The following DIXDC1 variants were observed in gnomAD, a reference collection of about 807,000 sequenced individuals.
DIXDC1 encodes the protein dixin.
DIXDC1 carries 64 observed loss-of-function variants against 103.1 expected under a neutral mutation model. That is an observed-to-expected ratio of 0.62 (90% CI 0.51 to 0.76). The LOEUF is 0.76. DIXDC1 is among the 30% of genes least tolerant of loss of function. The pLI is 0.00. For synonymous variants in DIXDC1, 266 were observed against 298.5 expected, an observed-to-expected ratio of 0.89 and a Z score of 1.12; for missense variants, 759 against 834.2, an observed-to-expected ratio of 0.91 and a Z score of 1.11.
At chr11:111,940,722 A>G (rs1471333125) in intron 1 of DIXDC1, among the ~76,000 whole-genome samples, 1 of 152,180 alleles carries the variant, frequency 6.6e-6, no homozygotes, top group Non-Finnish European at 1.5e-5. Flanking sequence ...TCCTGCTTCC[A>G]AGGAGTTTAT....
upstream of DIXDC1, among the ~76,000 whole-genome samples, chr11:111,935,956 A>C (rs57483872): frequency 0.013 from 1,964 of 152,218 alleles, 43 homozygotes; most frequent in African/African-American, 0.045. Context: ...TAGCAGCTTT[A>C]GACATTCAGA....
At position 112,010,160 on chromosome 11, in the gene DIXDC1, A is replaced by G. The variant is rs192131844; in HGVS notation, c.1757-6531A>G. 1.3e-4 allele frequency among the ~76,000 whole-genome samples: 20 copies of G among 152,332 alleles called. No homozygotes were observed. In the East Asian group the frequency reaches 2.7e-3, roughly 21 times the overall value. The stretch of plus-strand genomic sequence containing the variant: ...AAATCACAAGCATTCCTGTACACCA[A>G]TAACAGACAAACAGCCAAATCATGA... On this transcript the variant is annotated intron_variant, in intron 17 of 19. Transcript: ENST00000440460.
chr11:111,993,295 A>C (rs1254603724), intron 12 of DIXDC1, among the ~76,000 whole-genome samples: 2 of 152,180 alleles, frequency 1.3e-5, no homozygotes, highest in African/African-American at 4.8e-5. Context: ...TACAAATGCC[A>C]GTTCCCTTCT....
At chr11:112,014,597 C>T (rs587662180) in intron 17 of DIXDC1, among the ~76,000 whole-genome samples, 1 of 152,276 alleles carries the variant, frequency 6.6e-6, no homozygotes, top group South Asian at 2.1e-4. Flanking sequence ...TCCAATACAG[C>T]TTGTAGAAAT....
At chr11:111,978,524 T>G (rs1306343362) in intron 5 of DIXDC1, among the ~76,000 whole-genome samples, 1 of 152,108 alleles carries the variant, frequency 6.6e-6, no homozygotes, top group African/African-American at 2.4e-5. Context: ...GAAATGTTGT[T>G]TTCCTTTGGC....
intron 1 of DIXDC1, among the ~76,000 whole-genome samples, chr11:111,954,573 T>C (rs1451327033): frequency 6.6e-6 from 1 of 152,242 alleles, no homozygotes; most frequent in Non-Finnish European, 1.5e-5. Flanking sequence ...TATGCCATTT[T>C]ATATCAGACA....
In DIXDC1 at chr11:111,937,573, T is replaced by C; in HGVS notation, c.60+14T>C. The stretch of plus-strand genomic sequence containing the variant: ...GGCTTCAATGAGGTAACTGTCCTGC[T>C]CCTCCCACTCCTCAGCTCCCCTCCC... On this transcript the variant is annotated intron_variant, in intron 1 of 19. Coordinates refer to ENST00000440460, the MANE Select transcript of DIXDC1 (RefSeq NM_001037954.4). 2 of 1,575,998 alleles carry C rather than the reference T, an allele frequency of 1.3e-6. No individual in the cohort carries two copies. Among genetic ancestry groups the C allele is most frequent in the Non-Finnish European group, 1.7e-6 (2 of 1,160,544 alleles).
chr11:112,007,236 G>A (rs1861264973), intron 17 of DIXDC1, among the ~76,000 whole-genome samples: 1 of 152,192 alleles, frequency 6.6e-6, no homozygotes, highest in African/African-American at 2.4e-5. Context: ...ATGAAATAAA[G>A]TGAGAAGAGA....
chr11:111,955,163 C>T lies in DIXDC1; in HGVS notation c.61-9386C>T, dbSNP rs587674059. Among the ~76,000 whole-genome samples the T allele has an allele frequency of 1.1e-4, 17 of 151,904 alleles. No individual in the cohort carries two copies. The South Asian group carries it at 3.5e-3, about 32-fold the overall frequency. On this transcript the variant is annotated intron_variant, in intron 1 of 19. Transcript: ENST00000440460. ...TCAGCCTGGGCAACATGGCAAAACC[C>T]CATCTCTACAAAAAATACAAAAATT...
chr11:111,990,791 C>T (rs1365822985), intron 10 of DIXDC1, among the ~76,000 whole-genome samples: 1 of 152,136 alleles, frequency 6.6e-6, no homozygotes, highest in Non-Finnish European at 1.5e-5. Context: ...ACTGCAACCT[C>T]CACCTCCCGA....
intron 1 of DIXDC1, among the ~76,000 whole-genome samples, chr11:111,948,070 A>T (rs1224622199): frequency 6.6e-6 from 1 of 152,208 alleles, no homozygotes; most frequent in Non-Finnish European, 1.5e-5. Context: ...TCAGCACCTT[A>T]GTCTCTAACA....
intron 3 of DIXDC1, among the ~76,000 whole-genome samples, chr11:111,971,925 C>T (rs1204805599): frequency 2.0e-5 from 3 of 152,118 alleles, no homozygotes; most frequent in South Asian, 2.1e-4. Context: ...ACTGGGTGCA[C>T]ATTGGGACAT....
At chr11:111,987,000 C>T (rs1555173957) in intron 9 of DIXDC1, 76 bp downstream of exon 9, 2 of 1,300,028 alleles carry the variant, frequency 1.5e-6, no homozygotes, top group East Asian at 2.7e-5. Flanking sequence ...CCTGTAATCC[C>T]AGCACTTTGA....
chr11:111,936,317 C>CT (rs1966184402), upstream of DIXDC1, among the ~76,000 whole-genome samples: 2 of 152,326 alleles, frequency 1.3e-5, no homozygotes, highest in South Asian at 4.1e-4. Flanking sequence ...TTGCAAATGA[C>CT]TAGTATTCCT....
Position 112,020,708 on chromosome 11 carries a change from T to C in DIXDC1, c.*1672T>C, listed in dbSNP as rs960535964. ...CCTGTTCCAATTCTACCTGTTTTAG[T>C]TGTGAAGGTAGTTTTGTGTAATCCA... On this transcript the variant is annotated 3_prime_UTR_variant, in exon 20 of 20. Transcript: ENST00000440460. The C allele has an allele frequency of 3.9e-5, 6 of 152,182 alleles. No homozygotes were observed. Among genetic ancestry groups the C allele is most frequent in the African/African-American group, 1.2e-4 (5 of 41,442 alleles). 9.4% of individuals were successfully genotyped at this position (152,182 alleles called of 1,614,324 possible).
At chr11:111,986,963 T>C in intron 9 of DIXDC1, 39 bp downstream of exon 9, 1 of 1,529,694 alleles carries the variant, frequency 6.5e-7, no homozygotes, top group Non-Finnish European at 8.9e-7. Context: ...TTAAAAACAT[T>C]ATGGGGGCCA....
At position 112,019,089 on chromosome 11, in the gene DIXDC1, C is replaced by A. The variant is rs1861682199; in HGVS notation, c.*53C>A. The A allele has an allele frequency of 2.0e-6, 3 of 1,506,920 alleles. No individual in the cohort carries two copies. The highest frequency in any genetic ancestry group is 1.8e-5 in the Admixed American group (1 of 55,818). The allele number at this position is 1,506,920 out of a possible 1,614,324, so 93.3% of individuals were successfully genotyped here. On this transcript the variant is annotated 3_prime_UTR_variant, in exon 20 of 20. Transcript: ENST00000440460. ...GAACCTGGTCACTCCCTGGCTGCTT[C>A]ACTCAGGAAAGGGAACTAAAACCAG...
chr11:112,002,562 AG>A (rs373499726), intron 17 of DIXDC1, among the ~76,000 whole-genome samples: 1 of 151,982 alleles, frequency 6.6e-6, no homozygotes, highest in African/African-American at 2.4e-5. Flanking sequence ...AGGCTGAGGC[AG>A]GAAGATCGCT....
intron 1 of DIXDC1, chr11:111,945,608 CT>C (rs77496804): frequency 0.12 from 18,217 of 148,108 alleles, 3,429 homozygotes; most frequent in African/African-American, 0.41. Flanking sequence ...AAATATAATT[CT>C]TTTTTTTTTT....
Sources: allele counts gnomAD v4.1 joint callset (sites outside exome capture counted in the v4.1 genomes callset), GRCh38; gene constraint gnomAD v4.1.1; transcripts MANE v1.5; gene names NCBI Gene and HGNC (gene_info 2026-07-23, HGNC 2026-07-21).